ST7: variants seen among roughly 807,000 people sequenced by gnomAD.
ST7 encodes the protein suppressor of tumorigenicity 7 protein.
ST7 carries 28 observed loss-of-function variants against 78.7 expected under a neutral mutation model. The ratio of observed to expected loss-of-function variants is 0.36; its 90% CI spans 0.26 to 0.49. The LOEUF (loss-of-function observed/expected upper bound fraction) is 0.49. Ranked by LOEUF, ST7 falls within the 20% of genes least tolerant of loss-of-function variation. ST7 has a pLI of 0.99. For synonymous variants in ST7, 247 were observed against 249.6 expected, an observed-to-expected ratio of 0.99 and a Z score of 0.10; for missense variants, 418 against 696.0, an observed-to-expected ratio of 0.60 and a Z score of 4.49.
At chr7:116,991,738 C>CTTAACTCATTTCAGCA (rs1210484694) in intron 1 of ST7, among the ~76,000 whole-genome samples, 1 of 152,188 alleles carries the variant, frequency 6.6e-6, no homozygotes, top group African/African-American at 2.4e-5. Flanking sequence ...CCCCCAAAGT[C>CTTAACTCATTTCAGCA]TTAACTCATT....
chr7:117,050,050 CAAA>C (rs56002625), intron 1 of ST7, among the ~76,000 whole-genome samples: 12 of 132,556 alleles, frequency 9.1e-5, no homozygotes, highest in Admixed American at 7.4e-5. Context: ...ACTAAAAATA[CAAA>C]AAAAAAAAAA....
rs113845782 is a variant in ST7 at position 117,191,157 on chromosome 7, C to T, written c.1254+221C>T. ...CAGACTTCACTTAATAAGGGTAAAT[C>T]GATAGACCTCGCTTAGGCAGGCCAG... On this transcript the variant is annotated intron_variant, in intron 12 of 15. Transcript: ENST00000323984. 1.8e-3 allele frequency among the ~76,000 whole-genome samples: 270 copies of T among 152,276 alleles called. 1 individual carries two copies. The highest frequency in any genetic ancestry group is 4.2e-3 in the African/African-American group (175 of 41,560).
intron 1 of ST7, among the ~76,000 whole-genome samples, chr7:116,956,031 A>T (rs1562974911): frequency 6.6e-6 from 1 of 152,160 alleles, no homozygotes; most frequent in African/African-American, 2.4e-5. Flanking sequence ...TTTTTATGAG[A>T]GGGTAGCAGG....
At chr7:116,975,326 G>T (rs138453583) in intron 1 of ST7, among the ~76,000 whole-genome samples, 1 of 152,182 alleles carries the variant, frequency 6.6e-6, no homozygotes, top group Non-Finnish European at 1.5e-5. Context: ...CATGACACAT[G>T]AGGATTATGG....
intron 1 of ST7, among the ~76,000 whole-genome samples, chr7:117,041,407 G>T (rs1797222329): frequency 6.6e-6 from 1 of 152,100 alleles, no homozygotes; most frequent in Admixed American, 6.5e-5. Context: ...ATAAGACAGT[G>T]GTATGGATAC....
intron 1 of ST7, chr7:117,098,591 C>T: frequency 1.5e-5 from 4 of 273,374 alleles, no homozygotes; most frequent in Non-Finnish European, 2.9e-5. Flanking sequence ...CATTTTTTAC[C>T]CATTGTCTCA....
chr7:117,152,901 C>T (rs1806401227), intron 9 of ST7, among the ~76,000 whole-genome samples: 1 of 152,154 alleles, frequency 6.6e-6, no homozygotes, highest in Non-Finnish European at 1.5e-5. Context: ...GGGAAATGCT[C>T]ACTCCTGTCT....
intron 12 of ST7, among the ~76,000 whole-genome samples, chr7:117,204,098 C>G (rs1791506369): frequency 6.6e-6 from 1 of 152,300 alleles, no homozygotes; most frequent in Admixed American, 6.5e-5. Context: ...CGGTTAATGA[C>G]CCTCGTTAGC....
At chr7:117,035,493 A>G (rs1435169093) in intron 1 of ST7, among the ~76,000 whole-genome samples, 2 of 152,238 alleles carry the variant, frequency 1.3e-5, no homozygotes, top group Admixed American at 6.5e-5. Flanking sequence ...TTCAAATTCT[A>G]TTTGGTACAT....
chr7:117,133,676 T>TATC (rs1232702682), intron 6 of ST7, among the ~76,000 whole-genome samples: 1 of 150,788 alleles, frequency 6.6e-6, no homozygotes, highest in African/African-American at 2.5e-5. Flanking sequence ...TATTTTGTTT[T>TATC]ATTATTATTA....
chr7:117,169,336 A>G (rs1807809602), intron 9 of ST7, among the ~76,000 whole-genome samples: 1 of 151,808 alleles, frequency 6.6e-6, no homozygotes, highest in African/African-American at 2.4e-5. Flanking sequence ...GGGTTTTGCC[A>G]TGTTGGACAG....
intron 15 of ST7, among the ~76,000 whole-genome samples, chr7:117,227,892 G>A (rs980415393): frequency 2.0e-5 from 3 of 152,142 alleles, no homozygotes; most frequent in Non-Finnish European, 4.4e-5. Flanking sequence ...GGATGGCACC[G>A]TCTCCTCTTT....
chr7:116,955,108 T>G (rs1296429130), intron 1 of ST7: 2 of 471,076 alleles, frequency 4.2e-6, no homozygotes, highest in Admixed American at 2.4e-5. Flanking sequence ...TTTTCATCTT[T>G]TTGGATGGCT....
At chr7:117,218,192 G>A (rs1234543551) in intron 13 of ST7, among the ~76,000 whole-genome samples, 2 of 152,126 alleles carry the variant, frequency 1.3e-5, no homozygotes, top group South Asian at 4.1e-4. Flanking sequence ...CATACATGAA[G>A]GCAAGGATTG....
At chr7:117,053,823 G>A (rs1797917988) in intron 1 of ST7, among the ~76,000 whole-genome samples, 1 of 148,560 alleles carries the variant, frequency 6.7e-6, no homozygotes, top group African/African-American at 2.5e-5. Context: ...CATGGGTGAA[G>A]AACAGAACAG....
chr7:117,190,750 A>G lies in ST7; in HGVS notation c.1152-84A>G. 9.2e-7 allele frequency: 1 copy of G among 1,084,218 alleles called. No individual in the cohort carries two copies. The highest frequency in any genetic ancestry group is 1.3e-5 in the South Asian group (1 of 75,320). 67.2% of individuals were successfully genotyped at this position (1,084,218 alleles called of 1,614,324 possible). ...CATGCTATTGGCTCACTGTGGTTTTATGGGCCCTAGATGTGTAGATGCTTC... is the reference window on the plus strand; with the variant it reads ...CATGCTATTGGCTCACTGTGGTTTTGTGGGCCCTAGATGTGTAGATGCTTC... On this transcript the variant is annotated intron_variant, in intron 11 of 15. Coordinates refer to ENST00000323984, the MANE Select transcript of ST7 (RefSeq NM_001369598.1). The surrounding 1 kb of genome is among the most constrained non-coding windows in gnomAD (Gnocchi z 5.2).
At position 117,068,199 on chromosome 7, in the gene ST7, C is replaced by T. The variant is rs144957792; in HGVS notation, c.152-31563C>T. Among the ~76,000 whole-genome samples, 362 of 152,148 alleles carry T rather than the reference C, an allele frequency of 2.4e-3. 2 individuals carry two copies. Among genetic ancestry groups the T allele is most frequent in the Non-Finnish European group, 3.8e-3 (255 of 67,978 alleles). On this transcript the variant is annotated intron_variant, in intron 1 of 15. Transcript: ENST00000323984. ...AAATACTATTTCTATTATAAATGCACATTTCAAAAATAATGAATCATATAT... is the reference window on the plus strand; with the variant it reads ...AAATACTATTTCTATTATAAATGCATATTTCAAAAATAATGAATCATATAT...
At chr7:117,214,910 TTGTGTGTGTGTGTGTGTG>T (rs147915016) in intron 13 of ST7, among the ~76,000 whole-genome samples, 13 of 143,266 alleles carry the variant, frequency 9.1e-5, no homozygotes, top group South Asian at 2.5e-4. Flanking sequence ...GGAAGAACAT[TTGTGTGTGTGTGTGTGTG>T]TGTGTGTGTG....
intron 1 of ST7, among the ~76,000 whole-genome samples, chr7:117,053,688 G>T (rs2429035): frequency 0.075 from 11,350 of 152,266 alleles, 593 homozygotes; most frequent in Non-Finnish European, 0.099. Context: ...CTGGCTAGAT[G>T]TTGGGAATAG....
Sources: allele counts gnomAD v4.1 joint callset (sites outside exome capture counted in the v4.1 genomes callset), GRCh38; gene constraint gnomAD v4.1.1; non-coding constraint Gnocchi (gnomAD v3.1); transcripts MANE v1.5; gene names NCBI Gene and HGNC (gene_info 2026-07-23, HGNC 2026-07-21).